The following OAF variants were observed in gnomAD, a reference collection of about 807,000 sequenced individuals.
OAF encodes out at first homolog.
Under a neutral mutation model 22.5 loss-of-function variants are expected in OAF, and 13 were observed. The observed-to-expected ratio is 0.58, with a 90% CI of 0.38 to 0.92. The LOEUF (loss-of-function observed/expected upper bound fraction) is 0.92, where lower values mean the gene tolerates loss of function less well. Ranked by LOEUF, OAF falls within the 40% of genes least tolerant of loss-of-function variation. OAF has a pLI of 0.00. For missense variants in OAF, 347 were observed against 381.8 expected, an observed-to-expected ratio of 0.91 and a Z score of 0.76; for synonymous variants, 175 against 170.5, an observed-to-expected ratio of 1.03 and a Z score of -0.21.
Position 120,228,962 on chromosome 11 carries a change from C to T in OAF, c.642C>T (p.Cys214=), listed in dbSNP as rs149920245. The T allele has an allele frequency of 1.1e-3, 1,715 of 1,612,604 alleles. 14 individuals are homozygous for T. In the African/African-American group the frequency reaches 0.019, roughly 18 times the overall value. ...CRQVGDHGKP[C]VCRYGLSLAW... is the part of the protein sequence containing the mutation. ...AGGTGGGGGACCACGGGAAGCCCTGCGTCTGCCGCTATGGCCTGAGCCTGG... is the reference window on the plus strand; with the variant it reads ...AGGTGGGGGACCACGGGAAGCCCTGTGTCTGCCGCTATGGCCTGAGCCTGG... Residue 214 remains cysteine (C), a synonymous_variant, in exon 4 of 4, where the codon TGC becomes TGT. Transcript: ENST00000328965.
chr11:120,229,302 G>T lies in OAF; in HGVS notation c.*160G>T. The T allele has an allele frequency of 1.5e-6, 1 of 676,720 alleles. No individual in the cohort carries two copies. The highest frequency in any genetic ancestry group is 1.9e-5 in the South Asian group (1 of 52,084). The allele number at this position is 676,720 out of a possible 1,614,324, so 41.9% of individuals were successfully genotyped here. On this transcript the variant is annotated 3_prime_UTR_variant, in exon 4 of 4. Transcript: ENST00000328965. ...GGCCCCATCTCACATGACTGTGAAGGGGGTGTGGCATGGCAGGGGGTCTCA... is the reference window on the plus strand; with the variant it reads ...GGCCCCATCTCACATGACTGTGAAGTGGGTGTGGCATGGCAGGGGGTCTCA...
intron 3 of OAF, 46 bp from the exon 4 acceptor site, chr11:120,228,822 C>T: frequency 5.0e-6 from 2 of 398,972 alleles, no homozygotes; most frequent in East Asian, 5.8e-5. Flanking sequence ...GGAGCTCCTT[C>T]CCTCCCTCCC....
intron 1 of OAF, among the ~76,000 whole-genome samples, chr11:120,220,625 G>A (rs572395153): frequency 3.3e-5 from 5 of 152,280 alleles, no homozygotes; most frequent in Admixed American, 2.6e-4. Flanking sequence ...GGCTGGTGAG[G>A]GCAGCACTGG....
intron 1 of OAF, among the ~76,000 whole-genome samples, chr11:120,225,274 G>GA (rs746592455): frequency 0.016 from 2,165 of 139,536 alleles, 18 homozygotes; most frequent in African/African-American, 0.025. Flanking sequence ...CAACTACAAA[G>GA]AAAAAAAAAA....
chr11:120,223,796 A>C (rs1157059160), intron 1 of OAF, among the ~76,000 whole-genome samples: 1 of 152,208 alleles, frequency 6.6e-6, no homozygotes, highest in African/African-American at 2.4e-5. Flanking sequence ...TTCTCTCCAA[A>C]GAGTCAGAGC....
At position 120,211,188 on chromosome 11, in the gene OAF, G is replaced by A. The variant is rs1295350253; in HGVS notation, c.-92G>A. On this transcript the variant is annotated 5_prime_UTR_variant, in exon 1 of 4. Coordinates refer to ENST00000328965, the MANE Select transcript of OAF (RefSeq NM_178507.4). ...CGGCGGAGCGGCTCCCGGGCGCCCC[G>A]AACTAGCCCCCAACTTTGGGCGAAG... The A allele has an allele frequency of 2.5e-5, 20 of 810,576 alleles. No individual in the cohort carries two copies. The highest frequency in any genetic ancestry group is 3.2e-5 in the Non-Finnish European group (20 of 629,360). 50.2% of individuals were successfully genotyped at this position (810,576 alleles called of 1,614,324 possible). A position where few individuals can be genotyped will look rare whatever the true frequency, so the allele number is the denominator to read the frequency against.
At chr11:120,218,930 G>A (rs1352136682) in intron 1 of OAF, among the ~76,000 whole-genome samples, 1 of 152,224 alleles carries the variant, frequency 6.6e-6, no homozygotes, top group African/African-American at 2.4e-5. Context: ...CGGGCAGGCT[G>A]GAGCAAGGTG....
chr11:120,229,575 G>C lies in OAF; in HGVS notation c.*433G>C, dbSNP rs1938409492. 5.7e-6 allele frequency: 1 copy of C among 174,592 alleles called. No individual in the cohort carries two copies. The highest frequency in any genetic ancestry group is 1.4e-4 in the South Asian group (1 of 6,902). The allele number at this position is 174,592 out of a possible 1,614,324, so 10.8% of individuals were successfully genotyped here. ...CCATGCACACATCTGGAAGGAGCTG[G>C]CCCCTCAGTCCCTTCCTACTCCCCA... On this transcript the variant is annotated 3_prime_UTR_variant, in exon 4 of 4. Transcript: ENST00000328965.
chr11:120,216,718 C>T (rs930321350), intron 1 of OAF, among the ~76,000 whole-genome samples: 1 of 152,184 alleles, frequency 6.6e-6, no homozygotes, highest in Non-Finnish European at 1.5e-5. Context: ...AGACTGCCAC[C>T]TGGGATAATG....
At chr11:120,211,545 A>C in intron 1 of OAF, 35 bp downstream of exon 1, 2 of 1,383,298 alleles carry the variant, frequency 1.4e-6, no homozygotes, top group Non-Finnish European at 1.9e-6. Context: ...TGGCACCTTC[A>C]AGCCTGAGCC....
Position 120,229,231 on chromosome 11 carries a change from T to C in OAF, c.*89T>C. 7 of 1,186,196 alleles carry C rather than the reference T, an allele frequency of 5.9e-6. No homozygotes were observed. In the South Asian group the frequency reaches 9.8e-5, roughly 17 times the overall value. The allele number at this position is 1,186,196 out of a possible 1,614,324, so 73.5% of individuals were successfully genotyped here. ...GTGGCAACCCCCACCTGAGGCCTTA[T>C]TTCCCTCCCTCCCCACTCCCCTGGC... is the stretch of plus-strand genomic sequence containing the variant. On this transcript the variant is annotated 3_prime_UTR_variant, in exon 4 of 4. Coordinates refer to ENST00000328965, the MANE Select transcript of OAF (RefSeq NM_178507.4).
chr11:120,211,463 C>T lies in OAF; in HGVS notation c.184C>T (p.Arg62Cys), dbSNP rs768490831. Residue 62 changes from arginine (R) to cysteine (C), a missense_variant, in exon 1 of 4, where the codon CGC (arginine) becomes TGC (cysteine). Arg to Cys is a radical substitution (Grantham distance 180). Coordinates refer to ENST00000328965, the MANE Select transcript of OAF (RefSeq NM_178507.4). The part of the protein sequence containing the change: ...SDADSISLEL[R>C]KPDGTLVSFT... ...CGCGGACAGCATCAGCCTCGAGCTG[C>T]GCAAGCCCGACGGCACCCTCGTCTC... is the stretch of plus-strand genomic sequence containing the variant. 3.3e-6 allele frequency: 5 copies of T among 1,523,266 alleles called. No homozygotes were observed. In the African/African-American group the frequency reaches 5.7e-5, roughly 17 times the overall value. The allele number at this position is 1,523,266 out of a possible 1,614,324, so 94.4% of individuals were successfully genotyped here.
intron 3 of OAF, 72 bp downstream of exon 3, chr11:120,227,068 G>T: frequency 1.8e-6 from 2 of 1,086,788 alleles, no homozygotes; most frequent in South Asian, 3.2e-5. Context: ...CAGAGCAGTG[G>T]AGGAGGGCAG....
intron 3 of OAF, among the ~76,000 whole-genome samples, chr11:120,228,224 A>G (rs919441821): frequency 6.6e-6 from 1 of 152,016 alleles, no homozygotes; most frequent in Non-Finnish European, 1.5e-5. Context: ...AGCTGAGATT[A>G]TAGGTGCCCG....
intron 1 of OAF, among the ~76,000 whole-genome samples, chr11:120,212,506 C>G (rs972577486): frequency 2.6e-5 from 4 of 151,884 alleles, no homozygotes; most frequent in Non-Finnish European, 4.4e-5. Flanking sequence ...GTCTCCTTCC[C>G]CCAGCTAAAG....
chr11:120,211,040 C>CCGGGGCCG lies in OAF; in HGVS notation c.-236_-229dup. 5.9e-6 allele frequency: 1 copy of CCGGGGCCG among 168,948 alleles called. No homozygotes were observed. Among genetic ancestry groups the CCGGGGCCG allele is most frequent in the Non-Finnish European group, 1.3e-5 (1 of 79,912 alleles). 10.5% of individuals were successfully genotyped at this position (168,948 alleles called of 1,614,324 possible). A position where few individuals can be genotyped will look rare whatever the true frequency, so the allele number is the denominator to read the frequency against. On this transcript the variant is annotated 5_prime_UTR_variant, in exon 1 of 4. Coordinates refer to ENST00000328965, the MANE Select transcript of OAF (RefSeq NM_178507.4). ...AAACACAGGCTCGCAGCGCTGGAGC[C>CCGGGGCCG]CGGGGCCGCGGAGCCGGGCCGGGGC...
intron 1 of OAF, among the ~76,000 whole-genome samples, chr11:120,220,415 G>A (rs892032159): frequency 2.6e-5 from 4 of 152,114 alleles, no homozygotes; most frequent in Non-Finnish European, 5.9e-5. Context: ...CACCCTTCAT[G>A]TATTCCTTAT....
In OAF at chr11:120,211,058, G is replaced by A; in HGVS notation, c.-222G>A. ...CTGGAGCCCGGGGCCGCGGAGCCGG[G>A]CCGGGGCAGCGCCGTCTCCGCCTCG... is the stretch of plus-strand genomic sequence containing the variant. On this transcript the variant is annotated 5_prime_UTR_variant, in exon 1 of 4. Coordinates refer to ENST00000328965, the MANE Select transcript of OAF (RefSeq NM_178507.4). 5.7e-6 allele frequency: 1 copy of A among 176,596 alleles called. No individual in the cohort carries two copies. Among genetic ancestry groups the A allele is most frequent in the Non-Finnish European group, 1.2e-5 (1 of 85,110 alleles). The allele number at this position is 176,596 out of a possible 1,614,324, so 10.9% of individuals were successfully genotyped here. A position where few individuals can be genotyped will look rare whatever the true frequency, so the allele number is the denominator to read the frequency against.
At position 120,229,240 on chromosome 11, in the gene OAF, C is replaced by T; in HGVS notation, c.*98C>T. On this transcript the variant is annotated 3_prime_UTR_variant, in exon 4 of 4. Transcript: ENST00000328965. ...CCCACCTGAGGCCTTATTTCCCTCCCTCCCCACTCCCCTGGCCCTAGAGCC... is the reference window on the plus strand; with the variant it reads ...CCCACCTGAGGCCTTATTTCCCTCCTTCCCCACTCCCCTGGCCCTAGAGCC... 4.6e-6 allele frequency: 5 copies of T among 1,084,302 alleles called. No homozygotes were observed. The East Asian group carries it at 7.4e-5, about 16-fold the overall frequency. The allele number at this position is 1,084,302 out of a possible 1,614,324, so 67.2% of individuals were successfully genotyped here. A position where few individuals can be genotyped will look rare whatever the true frequency, so the allele number is the denominator to read the frequency against.
Sources: allele counts gnomAD v4.1 joint callset (sites outside exome capture counted in the v4.1 genomes callset), GRCh38; gene constraint gnomAD v4.1.1; transcripts MANE v1.5; gene names NCBI Gene and HGNC (gene_info 2026-07-23, HGNC 2026-07-21).